Variants in XKR9 observed in about 807,000 individuals in gnomAD.
XKR9 encodes XK-related protein 9.
XKR9 carries 32 observed loss-of-function variants against 32.0 expected under a neutral mutation model. That is an observed-to-expected ratio of 1.00 (90% CI 0.76 to 1.34). The LOEUF (loss-of-function observed/expected upper bound fraction) is 1.34. XKR9 is among the 40% of genes most tolerant of loss of function. The pLI is 0.00. For missense variants in XKR9, 546 were observed against 429.7 expected (o/e 1.27, Z -2.39); for synonymous variants, 168 against 143.4 (o/e 1.17, Z -1.22).
the XKR9 span, among the ~76,000 whole-genome samples, chr8:70,869,607 A>G: frequency 6.6e-6 from 1 of 152,182 alleles, no homozygotes; most frequent in Non-Finnish European, 1.5e-5. Context: ...CATATCACCA[A>G]GTTTTCGTTC....
At chr8:70,950,770 A>T in the XKR9 span, among the ~76,000 whole-genome samples, 4 of 151,818 alleles carry the variant, frequency 2.6e-5, no homozygotes, top group Non-Finnish European at 5.9e-5. Flanking sequence ...ACCTCTGGGG[A>T]TCAAGTGATT....
the XKR9 span, among the ~76,000 whole-genome samples, chr8:70,819,961 C>T: frequency 1.3e-5 from 2 of 152,174 alleles, no homozygotes; most frequent in Non-Finnish European, 2.9e-5. Flanking sequence ...CTTGTCATAT[C>T]TCTTCTAACA....
the XKR9 span, among the ~76,000 whole-genome samples, chr8:70,830,987 C>A: frequency 6.6e-6 from 1 of 152,160 alleles, no homozygotes; most frequent in African/African-American, 2.4e-5. Context: ...TACCAGATAA[C>A]TTTTTAAAAA....
intron 2 of XKR9, among the ~76,000 whole-genome samples, chr8:70,758,287 A>C (rs1353953553): frequency 6.6e-6 from 1 of 151,430 alleles, no homozygotes; most frequent in Non-Finnish European, 1.5e-5. Context: ...TCTCTCTCTC[A>C]CTCTTACCCT....
the XKR9 span, among the ~76,000 whole-genome samples, chr8:70,887,218 A>G: frequency 1.3e-5 from 2 of 152,166 alleles, no homozygotes; most frequent in African/African-American, 4.8e-5. Context: ...GATTTGTCAA[A>G]GATCAGATGG....
chr8:71,019,008 GAC>G, the XKR9 span, among the ~76,000 whole-genome samples: 2 of 152,126 alleles, frequency 1.3e-5, no homozygotes, highest in African/African-American at 4.8e-5. Context: ...ATTTCTGATT[GAC>G]AGCTCCATTC....
chr8:70,733,771 T>C, intron 4 of XKR9, 25 bp from the exon 5 acceptor site: 1 of 1,488,846 alleles, frequency 6.7e-7, no homozygotes, highest in Non-Finnish European at 8.9e-7. Context: ...TATAACAATA[T>C]ATTTTTTATT....
At chr8:70,835,816 G>A in the XKR9 span, among the ~76,000 whole-genome samples, 1 of 152,018 alleles carries the variant, frequency 6.6e-6, no homozygotes, top group Non-Finnish European at 1.5e-5. Flanking sequence ...ATTGTTTTGA[G>A]AGATTCTAGA....
At chr8:70,747,639 A>T (rs1409026150) in intron 2 of XKR9, among the ~76,000 whole-genome samples, 1 of 152,180 alleles carries the variant, frequency 6.6e-6, no homozygotes, top group Non-Finnish European at 1.5e-5. Context: ...TTTCTTTATA[A>T]ATTATCCAGT....
At chr8:70,917,090 A>C in the XKR9 span, among the ~76,000 whole-genome samples, 1 of 152,000 alleles carries the variant, frequency 6.6e-6, no homozygotes, top group Non-Finnish European at 1.5e-5. Context: ...ATTGTTTTCT[A>C]TTATTCTTAC....
the XKR9 span, among the ~76,000 whole-genome samples, chr8:71,050,073 A>G: frequency 1.2e-4 from 19 of 152,070 alleles, no homozygotes; most frequent in African/African-American, 4.1e-4. Context: ...GATTTGAATC[A>G]TGGCATCATT....
chr8:70,761,178 A>G (rs1442737915), intron 2 of XKR9, among the ~76,000 whole-genome samples: 6 of 152,192 alleles, frequency 3.9e-5, no homozygotes, highest in Admixed American at 3.9e-4. Context: ...GAACATACAC[A>G]TGCATGTGTC....
chr8:70,827,419 C>T, the XKR9 span, among the ~76,000 whole-genome samples: 1 of 151,958 alleles, frequency 6.6e-6, no homozygotes, highest in African/African-American at 2.4e-5. Flanking sequence ...TGCCTCCAGA[C>T]ATAAATACAG....
chr8:70,967,758 T>C, the XKR9 span, among the ~76,000 whole-genome samples: 1 of 152,158 alleles, frequency 6.6e-6, no homozygotes, highest in Non-Finnish European at 1.5e-5. Flanking sequence ...TGTTGAATAT[T>C]GGCTCCCAAT....
At chr8:70,779,928 A>G (rs1000081890) in intron 2 of XKR9, among the ~76,000 whole-genome samples, 2 of 151,750 alleles carry the variant, frequency 1.3e-5, no homozygotes, top group Non-Finnish European at 2.9e-5. Context: ...TGATTTTTTG[A>G]AGGTTTTTTT....
the XKR9 span, among the ~76,000 whole-genome samples, chr8:70,855,586 A>G: frequency 1.3e-5 from 2 of 152,266 alleles, no homozygotes; most frequent in African/African-American, 4.8e-5. Flanking sequence ...TCCCCAATCT[A>G]GGAAGGCAGG....
the XKR9 span, among the ~76,000 whole-genome samples, chr8:70,841,817 G>T: frequency 1.2e-4 from 19 of 152,152 alleles, no homozygotes; most frequent in Admixed American, 2.0e-4. Flanking sequence ...CATAGTGGTG[G>T]TATAAATTCT....
At chr8:70,685,595 G>A (rs1321775212) in intron 3 of XKR9, among the ~76,000 whole-genome samples, 2 of 151,144 alleles carry the variant, frequency 1.3e-5, no homozygotes, top group African/African-American at 4.9e-5. Flanking sequence ...GAACATGGAT[G>A]AAATTGGAAA....
intron 2 of XKR9, among the ~76,000 whole-genome samples, chr8:70,771,962 G>T (rs769899340): frequency 2.0e-4 from 31 of 152,278 alleles, no homozygotes; most frequent in Middle Eastern, 3.4e-3. Flanking sequence ...TTTTCTACAT[G>T]AGATTTAGAT....
Sources: gnomAD v4.1 joint callset for allele counts (sites outside exome capture counted in the v4.1 genomes callset) on GRCh38, gnomAD v4.1.1 for gene constraint, MANE v1.5 for transcripts, NCBI Gene and HGNC (gene_info 2026-07-23, HGNC 2026-07-21) for gene names.